The following GALNT5 variants were observed in gnomAD, a reference collection of about 807,000 sequenced individuals.
GALNT5 encodes the protein polypeptide N-acetylgalactosaminyltransferase 5.
A neutral mutation model predicts 85.4 loss-of-function variants in GALNT5; 72 were observed. The ratio of observed to expected loss-of-function variants is 0.84; its 90% CI spans 0.70 to 1.03. The LOEUF is 1.03. Among genes scored for constraint, GALNT5 ranks in the 50% least tolerant of loss-of-function variants. The pLI is 0.00. For missense variants in GALNT5, 1,137 were observed against 1,135.5 expected (o/e 1.00, Z -0.02); for synonymous variants, 404 against 397.0 (o/e 1.02, Z -0.21).
rs199661443 is a variant in GALNT5, at chr2:157,299,627, G to A, written c.2077G>A (p.Asp693Asn). Residue 693 changes from aspartate (D) to asparagine (N), a missense_variant, in exon 6 of 10, where the codon GAT becomes AAT. By Grantham distance (23) the Asp-to-Asn change is conservative (BLOSUM62 1). Transcript: ENST00000259056. ...ACTTGGAACATACGACCCTGGCCTTGATGTTTGGGGTGGGGAAAATATGGA... is the reference window on the plus strand; with the variant it reads ...ACTTGGAACATACGACCCTGGCCTTAATGTTTGGGGTGGGGAAAATATGGA... ...FELGTYDPGL[D>N]VWGGENMELS... 11 of 1,611,444 alleles carry A rather than the reference G, an allele frequency of 6.8e-6. No individual in the cohort carries two copies. In the East Asian group the frequency reaches 1.8e-4, roughly 26 times the overall value.
At chr2:157,295,065 T>C (rs1302200629) in intron 3 of GALNT5, among the ~76,000 whole-genome samples, 1 of 152,172 alleles carries the variant, frequency 6.6e-6, no homozygotes, top group Non-Finnish European at 1.5e-5. Flanking sequence ...AGGCCCATAG[T>C]GTTACATACG....
At chr2:157,269,351 C>T (rs566964009) in intron 1 of GALNT5, among the ~76,000 whole-genome samples, 1 of 152,154 alleles carries the variant, frequency 6.6e-6, no homozygotes, top group Non-Finnish European at 1.5e-5. Context: ...TCAAGGCACA[C>T]CCTGAAACTT....
intron 1 of GALNT5, among the ~76,000 whole-genome samples, chr2:157,280,003 C>G (rs6753576): frequency 0.18 from 27,187 of 152,020 alleles, 5,547 homozygotes; most frequent in African/African-American, 0.5. Flanking sequence ...TCTCCATGTT[C>G]GTCAGGCTGG....
chr2:157,265,601 C>T (rs373963292), intron 1 of GALNT5, among the ~76,000 whole-genome samples: 10 of 152,276 alleles, frequency 6.6e-5, no homozygotes, highest in African/African-American at 2.4e-4. Flanking sequence ...ACACAAGGCC[C>T]AGTTTAACCA....
At chr2:157,307,900 A>G (rs1257504492) in intron 8 of GALNT5, among the ~76,000 whole-genome samples, 2 of 152,356 alleles carry the variant, frequency 1.3e-5, no homozygotes, top group East Asian at 1.9e-4. Flanking sequence ...AATTAAAAAC[A>G]TGGTTTCATT....
At chr2:157,307,055 A>G (rs1366800102) in intron 8 of GALNT5, among the ~76,000 whole-genome samples, 2 of 151,972 alleles carry the variant, frequency 1.3e-5, no homozygotes, top group Non-Finnish European at 2.9e-5. Context: ...TTTTTGTGCC[A>G]GAGTAACCAG....
At chr2:157,284,884 T>C (rs1273020927) in intron 2 of GALNT5, among the ~76,000 whole-genome samples, 3 of 152,214 alleles carry the variant, frequency 2.0e-5, no homozygotes, top group Non-Finnish European at 4.4e-5. Context: ...GCAAGGCATA[T>C]GATGTGTTCA....
chr2:157,264,012 T>C (rs558918571), intron 1 of GALNT5, among the ~76,000 whole-genome samples: 13 of 152,342 alleles, frequency 8.5e-5, no homozygotes, highest in African/African-American at 3.1e-4. Context: ...AAATACAACT[T>C]CATTGTTGCC....
chr2:157,302,361 C>T (rs773151174), intron 7 of GALNT5: 1 of 152,074 alleles, frequency 6.6e-6, no homozygotes, highest in Non-Finnish European at 1.5e-5. Context: ...CTGTTTTTTA[C>T]AAAATTCAAC....
intron 1 of GALNT5, among the ~76,000 whole-genome samples, chr2:157,273,462 C>T (rs1398306515): frequency 2.6e-5 from 4 of 151,544 alleles, no homozygotes; most frequent in African/African-American, 9.7e-5. Context: ...CCAATTAACA[C>T]TTTCGTGGAC....
intron 3 of GALNT5, among the ~76,000 whole-genome samples, chr2:157,289,814 G>C (rs1401127074): frequency 6.6e-6 from 1 of 152,050 alleles, no homozygotes; most frequent in Non-Finnish European, 1.5e-5. Context: ...GCTCACTCCT[G>C]TAATCCCAAC....
chr2:157,296,400 G>C lies in GALNT5; in HGVS notation c.1884G>C (p.Met628Ile). The C allele has an allele frequency of 6.2e-7, 1 of 1,608,880 alleles. No homozygotes were observed. The highest frequency in any genetic ancestry group is 8.5e-7 in the Non-Finnish European group (1 of 1,175,474). Reference protein sequence around the residue: ...EVINDKDMSYMTVDNFQRGIF... With the variant: ...EVINDKDMSYITVDNFQRGIF... ...TTTTCATTTCCTGGATTAGTTACAT[G>C]ACAGTGGATAACTTTCAAAGAGGCA... Residue 628 changes from methionine (M) to isoleucine (I), a missense_variant, in exon 5 of 10, where the codon ATG (methionine) becomes ATC (isoleucine). Physicochemically the swap from Met to Ile is conservative, Grantham distance 10 (BLOSUM62 1). Transcript: ENST00000259056.
intron 3 of GALNT5, among the ~76,000 whole-genome samples, chr2:157,288,470 T>C (rs558680015): frequency 1.3e-5 from 2 of 152,304 alleles, no homozygotes; most frequent in South Asian, 2.1e-4. Flanking sequence ...GTGAAGAATA[T>C]TCCCAAGCAA....
chr2:157,258,062 T>C lies in GALNT5; in HGVS notation c.-21T>C. Reference sequence around the variant, plus strand: ...GTAAGCAGGCTAAGGGAGGGCAGGCTGCTAGGGAAAGCTTTGTACCATGAA... The same window carrying C: ...GTAAGCAGGCTAAGGGAGGGCAGGCCGCTAGGGAAAGCTTTGTACCATGAA... On this transcript the variant is annotated 5_prime_UTR_variant, in exon 1 of 10. Transcript: ENST00000259056. 6.2e-7 allele frequency: 1 copy of C among 1,610,800 alleles called. No individual in the cohort carries two copies. Among genetic ancestry groups the C allele is most frequent in the Non-Finnish European group, 8.5e-7 (1 of 1,179,906 alleles).
chr2:157,300,464 G>GA lies in GALNT5; in HGVS notation c.2116-206dup, dbSNP rs375806170. Among the ~76,000 whole-genome samples, 61 of 152,236 alleles carry GA rather than the reference G, an allele frequency of 4.0e-4. 1 individual carries two copies. The highest frequency in any genetic ancestry group is 1.4e-3 in the African/African-American group (59 of 41,546). On this transcript the variant is annotated intron_variant, in intron 6 of 9. Coordinates refer to ENST00000259056, the MANE Select transcript of GALNT5 (RefSeq NM_014568.3). Reference sequence around the variant, plus strand: ...AAAACTTACATTGAAAGTTAGGAAAGAAAAAATTACATTTTACTAATCCTA... The same window carrying GA: ...AAAACTTACATTGAAAGTTAGGAAAGAAAAAAATTACATTTTACTAATCCTA...
intron 1 of GALNT5, among the ~76,000 whole-genome samples, chr2:157,277,613 G>A (rs189622616): frequency 5.8e-4 from 89 of 152,270 alleles, no homozygotes; most frequent in Non-Finnish European, 7.1e-4. Context: ...TTGGTTTGAA[G>A]TCTGTTTTAT....
intron 1 of GALNT5, among the ~76,000 whole-genome samples, chr2:157,266,255 AG>A (rs1682456569): frequency 6.6e-6 from 1 of 152,120 alleles, no homozygotes; most frequent in Admixed American, 6.5e-5. Context: ...TTAACAGATG[AG>A]GGGGGAAAAA....
At chr2:157,261,057 A>T (rs1169198720) in intron 1 of GALNT5, among the ~76,000 whole-genome samples, 1 of 152,204 alleles carries the variant, frequency 6.6e-6, no homozygotes, top group Non-Finnish European at 1.5e-5. Context: ...CTCAAAAAGG[A>T]TCCTAAAAAT....
intron 6 of GALNT5, among the ~76,000 whole-genome samples, chr2:157,299,881 A>C (rs1297621612): frequency 6.6e-6 from 1 of 152,196 alleles, no homozygotes; most frequent in Admixed American, 6.5e-5. Flanking sequence ...ATATTTCACA[A>C]CACCATTTCT....
Sources: gnomAD v4.1 joint callset for allele counts (sites outside exome capture counted in the v4.1 genomes callset) on GRCh38, gnomAD v4.1.1 for gene constraint, MANE v1.5 for transcripts, NCBI Gene and HGNC (gene_info 2026-07-23, HGNC 2026-07-21) for gene names.